The following COL13A1 variants were observed in gnomAD, a reference collection of about 807,000 sequenced individuals.
COL13A1 encodes collagen type XIII alpha 1 chain.
In COL13A1, 89 loss-of-function variants were observed where a neutral mutation model predicts 130.9. The ratio of observed to expected loss-of-function variants is 0.68; its 90% CI spans 0.57 to 0.81. COL13A1 has a LOEUF of 0.81. Ranked by LOEUF, COL13A1 falls within the 30% of genes least tolerant of loss-of-function variation. The probability of loss-of-function intolerance (pLI) is 0.00; values close to 1 mark genes in which losing one functional copy is unlikely to be tolerated. For synonymous variants in COL13A1, 402 were observed against 341.6 expected (o/e 1.18, Z -1.95); for missense variants, 879 against 934.6 (o/e 0.94, Z 0.78).
At chr10:69,938,144 G>C (rs961885474) in intron 34 of COL13A1, among the ~76,000 whole-genome samples, 2 of 152,192 alleles carry the variant, frequency 1.3e-5, no homozygotes, top group Non-Finnish European at 2.9e-5. Context: ...TTAAGCACTG[G>C]TCATTGCAGA....
chr10:69,918,966 C>A (rs528080325), intron 19 of COL13A1, 96 bp from the exon 20 acceptor site: 6 of 1,467,432 alleles, frequency 4.1e-6, no homozygotes, highest in Middle Eastern at 1.7e-4. Context: ...CTAACCCCAC[C>A]CTGACTGCCC....
chr10:69,815,302 T>A (rs929287721), intron 1 of COL13A1, among the ~76,000 whole-genome samples: 5 of 152,226 alleles, frequency 3.3e-5, no homozygotes, highest in Non-Finnish European at 7.3e-5. Flanking sequence ...AAGACCAGGC[T>A]GGAGCCACAT....
chr10:69,923,655 G>A (rs2064973392), intron 23 of COL13A1, 147 bp from the exon 24 acceptor site: 1 of 1,026,848 alleles, frequency 9.7e-7, no homozygotes. Context: ...GAGTCAGGGA[G>A]GTGGAAGAGT....
rs1250405096 is a variant in COL13A1 at position 69,958,697 on chromosome 10, A to T, written c.2185-2A>T. 6.2e-7 allele frequency: 1 copy of T among 1,613,950 alleles called. No homozygotes were observed. The highest frequency in any genetic ancestry group is 1.1e-5 in the South Asian group (1 of 91,070). ...GAACATTGTTTTGTTTTTGTTTTGC[A>T]GTGATGCCTCTAACCTTGGATTGGC... On this transcript the variant is annotated splice_acceptor_variant, in intron 40 of 40. Coordinates refer to ENST00000645393, the MANE Select transcript of COL13A1 (RefSeq NM_001368882.1). LOFTEE classifies it high-confidence loss of function.
At chr10:69,920,648 T>C (rs1053516678) in intron 21 of COL13A1, among the ~76,000 whole-genome samples, 1 of 152,230 alleles carries the variant, frequency 6.6e-6, no homozygotes, top group African/African-American at 2.4e-5. Context: ...AGCTGTCATA[T>C]TCAAGGCAGG....
At position 69,834,699 on chromosome 10, in the gene COL13A1, C is replaced by T. The variant is rs150017505; in HGVS notation, c.364+12261C>T. Among the ~76,000 whole-genome samples, 417 of 152,256 alleles carry T rather than the reference C, an allele frequency of 2.7e-3. 2 individuals are homozygous for T. The highest frequency in any genetic ancestry group is 9.7e-3 in the African/African-American group (402 of 41,526). ...TTGAACCCAGGACTTTCAATGCCAG[C>T]GCCTTTGCCCTCCGGACAAGGCAGA... is the stretch of plus-strand genomic sequence containing the variant. On this transcript the variant is annotated intron_variant, in intron 2 of 40. Coordinates refer to ENST00000645393, the MANE Select transcript of COL13A1 (RefSeq NM_001368882.1).
chr10:69,861,239 C>T (rs556708063), intron 2 of COL13A1, among the ~76,000 whole-genome samples: 4 of 152,304 alleles, frequency 2.6e-5, no homozygotes, highest in African/African-American at 9.6e-5. Flanking sequence ...AAGTGCCCCG[C>T]CAGGCTGCCA....
At chr10:69,907,592 A>G (rs971959475) in intron 17 of COL13A1, among the ~76,000 whole-genome samples, 1 of 152,018 alleles carries the variant, frequency 6.6e-6, no homozygotes, top group South Asian at 2.1e-4. Context: ...ACCCACTCCC[A>G]CAATAACTAA....
chr10:69,912,318 A>C (rs2063468029), intron 17 of COL13A1, among the ~76,000 whole-genome samples: 1 of 152,144 alleles, frequency 6.6e-6, no homozygotes, highest in African/African-American at 2.4e-5. Flanking sequence ...TCCCCGGATC[A>C]CTTCCTGCCG....
At chr10:69,817,259 A>G (rs570116390) in intron 1 of COL13A1, among the ~76,000 whole-genome samples, 113 of 152,182 alleles carry the variant, frequency 7.4e-4, no homozygotes, top group Non-Finnish European at 1.4e-3. Context: ...TGCTGGCGAC[A>G]GGAGGGGTTG....
rs545368604 is a variant in COL13A1, at chr10:69,806,381, G to C, written c.294+3664G>C. 2.0e-5 allele frequency among the ~76,000 whole-genome samples: 3 copies of C among 152,342 alleles called. No individual in the cohort carries two copies. The East Asian group carries it at 5.8e-4, about 29-fold the overall frequency. ...AGCTGCAGGGAGGGCCGGCCAAGGGGACCCAGGAGGACAGGAGGCCTGAGA... is the reference window on the plus strand; with the variant it reads ...AGCTGCAGGGAGGGCCGGCCAAGGGCACCCAGGAGGACAGGAGGCCTGAGA... On this transcript the variant is annotated intron_variant, in intron 1 of 40. Transcript: ENST00000645393.
chr10:69,811,872 C>A (rs1843125062), intron 1 of COL13A1, among the ~76,000 whole-genome samples: 1 of 152,022 alleles, frequency 6.6e-6, no homozygotes, highest in South Asian at 2.1e-4. Context: ...CACCCCTCAC[C>A]AGCATCCCTT....
At chr10:69,873,113 G>A (rs1264677483) in intron 4 of COL13A1, among the ~76,000 whole-genome samples, 1 of 152,296 alleles carries the variant, frequency 6.6e-6, no homozygotes, top group Non-Finnish European at 1.5e-5. Flanking sequence ...GGCCGGAATC[G>A]GGTATGGAGA....
intron 37 of COL13A1, among the ~76,000 whole-genome samples, chr10:69,946,077 C>T (rs1281999712): frequency 7.1e-6 from 1 of 140,114 alleles, no homozygotes; most frequent in Non-Finnish European, 1.5e-5. Context: ...CTCAAAAAAA[C>T]GAACACACAA....
In COL13A1 at chr10:69,806,878, G is replaced by T. The variant is rs111609026; in HGVS notation, c.294+4161G>T. Among the ~76,000 whole-genome samples the T allele has an allele frequency of 7.1e-3, 1,075 of 152,262 alleles. 12 individuals carry two copies. Among genetic ancestry groups the T allele is most frequent in the African/African-American group, 0.024 (1,015 of 41,540 alleles). ...CAAAAATTAGCCGGGCATGGTGGTG[G>T]GTGCCTATAATCCCAGCTACTCGGG... On this transcript the variant is annotated intron_variant, in intron 1 of 40. Transcript: ENST00000645393.
intron 2 of COL13A1, among the ~76,000 whole-genome samples, chr10:69,841,343 A>T (rs1360880656): frequency 6.6e-6 from 1 of 152,102 alleles, no homozygotes; most frequent in Non-Finnish European, 1.5e-5. Context: ...GCCTCCAAGC[A>T]TAAACCTATC....
chr10:69,822,767 C>T (rs1564760769), intron 2 of COL13A1, among the ~76,000 whole-genome samples: 1 of 152,226 alleles, frequency 6.6e-6, no homozygotes, highest in African/African-American at 2.4e-5. Context: ...GGACCATCAG[C>T]CCCCCAAGGG....
intron 1 of COL13A1, among the ~76,000 whole-genome samples, chr10:69,818,871 T>C (rs1485019223): frequency 6.6e-6 from 1 of 152,214 alleles, no homozygotes; most frequent in East Asian, 1.9e-4. Context: ...CCAGTGCTAA[T>C]CGACATACCT....
rs561355647 is a variant in COL13A1 at position 69,927,486 on chromosome 10, CT to C, written c.1422+377del. ...TTCCCAACTTTTAGCTAATTAAATC[CT>C]GAAAAACTAGTAGCAACCTACCACG... On this transcript the variant is annotated intron_variant, in intron 27 of 40. Coordinates refer to ENST00000645393, the MANE Select transcript of COL13A1 (RefSeq NM_001368882.1). Among the ~76,000 whole-genome samples the C allele has an allele frequency of 2.1e-3, 322 of 152,268 alleles. 3 individuals carry two copies. The highest frequency in any genetic ancestry group is 7.3e-3 in the African/African-American group (303 of 41,554).
Sources: gnomAD v4.1 joint callset for allele counts (sites outside exome capture counted in the v4.1 genomes callset) on GRCh38, gnomAD v4.1.1 for gene constraint, MANE v1.5 for transcripts, NCBI Gene and HGNC (gene_info 2026-07-23, HGNC 2026-07-21) for gene names.